Variants in CES1 observed in about 807,000 individuals in gnomAD.
The protein encoded by CES1 is liver carboxylesterase 1.
In CES1, 50 loss-of-function variants were observed where a neutral mutation model predicts 53.0. That is an observed-to-expected ratio of 0.94 (90% CI 0.75 to 1.19). The LOEUF (loss-of-function observed/expected upper bound fraction) is 1.19, where lower values mean the gene tolerates loss of function less well. Among genes scored for constraint, CES1 ranks in the 50% most tolerant of loss-of-function variants. The pLI, the probability that CES1 is intolerant of heterozygous loss-of-function variation, is 0.00. For missense variants in CES1, 534 were observed against 538.0 expected, an observed-to-expected ratio of 0.99 and a Z score of 0.07; for synonymous variants, 202 against 210.1, an observed-to-expected ratio of 0.96 and a Z score of 0.33.
rs750338369 is a variant in CES1, at chr16:55,826,311, G to A, written c.261-16C>T. On this transcript the variant is annotated splice_polypyrimidine_tract_variant and intron_variant, in intron 2 of 13. Coordinates refer to ENST00000360526, the MANE Select transcript of CES1 (RefSeq NM_001025195.2). ...TTGGGTGCACCTGGGGAGGGGGAAA[G>A]AAGAACCCCTGAAGTTCAGCCAGAT... The A allele has an allele frequency of 1.2e-6, 2 of 1,613,972 alleles. No individual in the cohort carries two copies. The highest frequency in any genetic ancestry group is 2.2e-5 in the South Asian group (2 of 91,078).
In CES1 at chr16:55,811,045, A is replaced by T. The variant is rs752654924; in HGVS notation, c.1087-35T>A. 1.4e-5 allele frequency: 22 copies of T among 1,532,672 alleles called. No homozygotes were observed. In the Middle Eastern group the frequency reaches 8.4e-4, roughly 58 times the overall value. The allele number at this position is 1,532,672 out of a possible 1,614,324, so 94.9% of individuals were successfully genotyped here. ...AAAAAAAGTTCAGCATTTATGAATC[A>T]TTGGGAATTAATGATAAGAAACAAA... is the stretch of plus-strand genomic sequence containing the variant. On this transcript the variant is annotated intron_variant, in intron 9 of 13. Transcript: ENST00000360526.
intron 3 of CES1, among the ~76,000 whole-genome samples, chr16:55,825,511 T>C (rs748430036): frequency 2.0e-5 from 3 of 152,164 alleles, no homozygotes; most frequent in Non-Finnish European, 2.9e-5. Flanking sequence ...GGAAATTAGG[T>C]ACAAAAAGAA....
chr16:55,816,844 T>A, intron 8 of CES1, 80 bp downstream of exon 8: 1 of 1,473,060 alleles, frequency 6.8e-7, no homozygotes, highest in Non-Finnish European at 9.5e-7. Context: ...ACCCAAGAGA[T>A]GATTCTTTCA....
chr16:55,832,873 T>A, intron 1 of CES1, 131 bp downstream of exon 1: 3 of 898,296 alleles, frequency 3.3e-6, no homozygotes, highest in Non-Finnish European at 5.6e-6. Flanking sequence ...GTCCAAGTCC[T>A]AATATGGAAG....
intron 3 of CES1, among the ~76,000 whole-genome samples, 168 bp downstream of exon 3, chr16:55,825,983 A>T (rs1331711877): frequency 6.6e-6 from 1 of 152,222 alleles, no homozygotes; most frequent in Non-Finnish European, 1.5e-5. Flanking sequence ...CACGAGGGTA[A>T]ACTGATGTGT....
intron 4 of CES1, among the ~76,000 whole-genome samples, chr16:55,822,514 T>G: frequency 6.6e-6 from 1 of 151,378 alleles, no homozygotes; most frequent in African/African-American, 2.4e-5. Context: ...GAGAAGGGGG[T>G]CTCTGTTGGG....
chr16:55,826,331 C>T (rs1260903675), intron 2 of CES1, 36 bp from the exon 3 acceptor site: 2 of 1,613,516 alleles, frequency 1.2e-6, no homozygotes, highest in Admixed American at 3.3e-5. Context: ...TGAAGTTCAG[C>T]CAGATCTAAG....
rs1259040298 is a variant in CES1 at position 55,810,673 on chromosome 16, G to A, written c.1171-9C>T. The A allele has an allele frequency of 6.2e-7, 1 of 1,614,052 alleles. No individual in the cohort carries two copies. The highest frequency in any genetic ancestry group is 2.2e-5 in the East Asian group (1 of 44,888). ...AGTTCCTTAGCAATGCACTGAAATA[G>A]ATCAAAAAGTGACCACCAGCCCCGG... On this transcript the variant is annotated splice_polypyrimidine_tract_variant and intron_variant, in intron 10 of 13. Coordinates refer to ENST00000360526, the MANE Select transcript of CES1 (RefSeq NM_001025195.2).
chr16:55,819,671 A>G, intron 6 of CES1, 32 bp from the exon 7 acceptor site: 4 of 1,537,204 alleles, frequency 2.6e-6, no homozygotes, highest in Non-Finnish European at 3.6e-6. Context: ...ACAGAGTTCA[A>G]GAGCGACATC....
At chr16:55,821,335 C>T (rs1432812734) in intron 5 of CES1, 33 bp downstream of exon 5, 6 of 1,613,934 alleles carry the variant, frequency 3.7e-6, no homozygotes, top group Non-Finnish European at 5.1e-6. Context: ...TCACATCAAG[C>T]GTGGGGTTGG....
intron 8 of CES1, 95 bp from the exon 9 acceptor site, chr16:55,813,138 C>G: frequency 1.9e-6 from 3 of 1,546,886 alleles, no homozygotes; most frequent in South Asian, 2.2e-5. Flanking sequence ...GTACCATAGA[C>G]CGGCATGGCC....
At chr16:55,816,417 C>T (rs1205225628) in intron 8 of CES1, among the ~76,000 whole-genome samples, 5 of 152,214 alleles carry the variant, frequency 3.3e-5, no homozygotes, top group African/African-American at 1.2e-4. Flanking sequence ...TAAGATTCGT[C>T]AGAGGTGATG....
At chr16:55,826,339 A>G in intron 2 of CES1, 44 bp from the exon 3 acceptor site, 1 of 1,612,934 alleles carries the variant, frequency 6.2e-7, no homozygotes, top group Non-Finnish European at 8.5e-7. Flanking sequence ...AGCCAGATCT[A>G]AGCGAGGTGT....
chr16:55,827,523 T>A (rs2032466549), intron 2 of CES1, among the ~76,000 whole-genome samples: 1 of 151,970 alleles, frequency 6.6e-6, no homozygotes, highest in Non-Finnish European at 1.5e-5. Context: ...GGGAGGGAAA[T>A]CAAACAAGAA....
chr16:55,810,439 T>C, intron 11 of CES1, 78 bp downstream of exon 11: 2 of 1,574,780 alleles, frequency 1.3e-6, no homozygotes, highest in African/African-American at 2.7e-5. Flanking sequence ...TCCATGTCTG[T>C]CTATGCTGGG....
At chr16:55,820,038 C>G in intron 6 of CES1, 4 of 561,310 alleles carry the variant, frequency 7.1e-6, no homozygotes, top group Non-Finnish European at 1.3e-5. Flanking sequence ...CATCACTGCC[C>G]AACATGGCAC....
intron 7 of CES1, among the ~76,000 whole-genome samples, chr16:55,817,170 CCAAAACTTTTG>C (rs2031980100): frequency 6.6e-6 from 1 of 152,120 alleles, no homozygotes; most frequent in African/African-American, 2.4e-5. Flanking sequence ...AGAGTTTACC[CCAAAACTTTTG>C]CAGGAATTGT....
intron 1 of CES1, 89 bp downstream of exon 1, chr16:55,832,915 G>T: frequency 8.5e-7 from 1 of 1,173,638 alleles, no homozygotes; most frequent in Non-Finnish European, 1.3e-6. Flanking sequence ...GACCTGTTGT[G>T]TCTTTGCCTT....
chr16:55,812,814 C>T (rs1474186966), intron 9 of CES1, 89 bp downstream of exon 9: 22 of 1,562,936 alleles, frequency 1.4e-5, no homozygotes, highest in Admixed American at 3.3e-5. Context: ...ACTCAGAGTG[C>T]AGCTCGGAGA....
Sources: gnomAD v4.1 joint callset for allele counts (sites outside exome capture counted in the v4.1 genomes callset) on GRCh38, gnomAD v4.1.1 for gene constraint, MANE v1.5 for transcripts, NCBI Gene and HGNC (gene_info 2026-07-23, HGNC 2026-07-21) for gene names.